CDK5RAP2: variants seen among roughly 807,000 people sequenced by gnomAD.
CDK5RAP2 encodes the protein CDK5 regulatory subunit-associated protein 2.
In CDK5RAP2, 147 loss-of-function variants were observed where a neutral mutation model predicts 232.9. The ratio of observed to expected loss-of-function variants is 0.63; its 90% CI spans 0.55 to 0.72. The LOEUF (loss-of-function observed/expected upper bound fraction) is 0.72, where lower values mean the gene tolerates loss of function less well. CDK5RAP2 is among the 30% of genes least tolerant of loss of function. The pLI is 0.00. For synonymous variants in CDK5RAP2, 833 were observed against 833.7 expected (o/e 1.00, Z 0.01); for missense variants, 2,195 against 2,231.5 (o/e 0.98, Z 0.33).
rs1212092823 is a variant in CDK5RAP2, at chr9:120,407,246, C to T, written c.4729G>A (p.Ala1577Thr). The change falls in exon 32 of 38, where the codon GCG becomes ACG. Residue 1577 changes from alanine to threonine, a missense_variant and splice_region_variant. By Grantham distance (58) the Ala-to-Thr change is moderately conservative. Transcript: ENST00000349780. ...LDEEHRRLRE[A>T]SGEGWKGQDP... is the part of the protein sequence containing the mutation. ...TGCCCCTTCCAGCCTTCTCCCGACG[C>T]CTCTGAGGACATGTGCAAAGAGAAG... 6.2e-7 allele frequency: 1 copy of T among 1,609,718 alleles called. No homozygotes were observed. Among genetic ancestry groups the T allele is most frequent in the Non-Finnish European group, 8.5e-7 (1 of 1,177,960 alleles).
intron 27 of CDK5RAP2, among the ~76,000 whole-genome samples, chr9:120,417,376 C>T (rs537866456): frequency 6.6e-6 from 1 of 152,308 alleles, no homozygotes; most frequent in South Asian, 2.1e-4. Flanking sequence ...ACTCCTTAAA[C>T]TTCTGGCACC....
rs181014034 is a variant in CDK5RAP2 at position 120,415,308 on chromosome 9, G to A, written c.4178-149C>T. 1.7e-4 allele frequency: 147 copies of A among 840,416 alleles called. 2 individuals are homozygous for A. The African/African-American group carries it at 2.0e-3, about 12-fold the overall frequency. The allele number at this position is 840,416 out of a possible 1,614,324, so 52.1% of individuals were successfully genotyped here. ...GCAATTCTTTCCTAGGCATGGGGAGGGTGAGCTATTTCCCACAGCCCACAG... is the reference window on the plus strand; with the variant it reads ...GCAATTCTTTCCTAGGCATGGGGAGAGTGAGCTATTTCCCACAGCCCACAG... On this transcript the variant is annotated intron_variant, in intron 27 of 37. Transcript: ENST00000349780.
At position 120,527,853 on chromosome 9, in the gene CDK5RAP2, T is replaced by C; in HGVS notation, c.952A>G (p.Lys318Glu). The C allele has an allele frequency of 6.2e-7, 1 of 1,613,938 alleles. No individual in the cohort carries two copies. Among genetic ancestry groups the C allele is most frequent in the Non-Finnish European group, 8.5e-7 (1 of 1,179,948 alleles). Residue 318 changes from lysine (K) to glutamate (E), a missense_variant, in exon 10 of 38, where the codon AAA becomes GAA. Physicochemically the swap from Lys to Glu is moderately conservative, Grantham distance 56. Transcript: ENST00000349780. ...GCCATGGTTAAACCCTGAATGGCTTTATCCCTCTTTAGACTATTTTTCTTC... is the reference window on the plus strand; with the variant it reads ...GCCATGGTTAAACCCTGAATGGCTTCATCCCTCTTTAGACTATTTTTCTTC... Reference protein sequence around the residue: ...TEKKNSLKRDKAIQGLTMALK... With the variant: ...TEKKNSLKRDEAIQGLTMALK...
At chr9:120,527,140 T>C (rs763050133) in intron 10 of CDK5RAP2, among the ~76,000 whole-genome samples, 3 of 152,152 alleles carry the variant, frequency 2.0e-5, no homozygotes, top group Non-Finnish European at 4.4e-5. Flanking sequence ...TAGGACACAA[T>C]AGGTTGCCAT....
At chr9:120,494,676 T>A (rs899558826) in intron 12 of CDK5RAP2, among the ~76,000 whole-genome samples, 6 of 151,726 alleles carry the variant, frequency 4.0e-5, no homozygotes, top group African/African-American at 1.5e-4. Context: ...ATACAACTAA[T>A]AAGAATAGAA....
In CDK5RAP2 at chr9:120,448,027, G is replaced by A. The variant is rs2036286276; in HGVS notation, c.2893C>T (p.Gln965Ter). 7 of 1,614,030 alleles carry A rather than the reference G, an allele frequency of 4.3e-6. No individual in the cohort carries two copies. The highest frequency in any genetic ancestry group is 1.3e-5 in the African/African-American group (1 of 74,912). ...PATQEVVTQL[Q>*]SQILELQGEL... ...CCCTGCAGCTCCAAGATCTGGCTCT[G>A]CAGCTGCGTCACCACCTCCTGGGTG... Residue 965 changes from glutamine to a stop codon, truncating the protein, a stop_gained, in exon 22 of 38, where the codon CAG becomes TAG. Transcript: ENST00000349780. LOFTEE classifies it high-confidence loss of function.
At chr9:120,514,571 G>A (rs1406601912) in intron 12 of CDK5RAP2, among the ~76,000 whole-genome samples, 1 of 152,200 alleles carries the variant, frequency 6.6e-6, no homozygotes, top group East Asian at 1.9e-4. Flanking sequence ...ACTTGGAACT[G>A]TAGTATGGAT....
In CDK5RAP2 at chr9:120,550,239, C is replaced by T. The variant is rs1476826214; in HGVS notation, c.306+553G>A. On this transcript the variant is annotated intron_variant, in intron 4 of 37. Coordinates refer to ENST00000349780, the MANE Select transcript of CDK5RAP2 (RefSeq NM_018249.6). ...GTTACAGGCAAGCACACAGGAATAC[C>T]GAAGAGTCCTATCACAGAAAAACTG... Among the ~76,000 whole-genome samples the T allele has an allele frequency of 2.0e-5, 3 of 152,262 alleles. 1 individual carries two copies. In the South Asian group the frequency reaches 6.2e-4, roughly 32 times the overall value.
intron 27 of CDK5RAP2, among the ~76,000 whole-genome samples, chr9:120,417,196 T>G (rs2034277676): frequency 6.6e-6 from 1 of 151,390 alleles, no homozygotes; most frequent in African/African-American, 2.4e-5. Flanking sequence ...CCCACGGCAC[T>G]GCACCTCCGT....
chr9:120,411,410 G>T lies in CDK5RAP2; in HGVS notation c.4362C>A (p.Phe1454Leu), dbSNP rs763385357. ...TGAGGGCCTGGTTCTGCTTCCTCAA[G>T]AAATGAATTTCTGATGTTAGAGAAC... ...LHSSLTSEIH[F>L]LRKQNQALNA... The change falls in exon 29 of 38, where the codon TTC becomes TTA. Residue 1454 changes from phenylalanine to leucine, a missense_variant. Coordinates refer to ENST00000349780, the MANE Select transcript of CDK5RAP2 (RefSeq NM_018249.6). The T allele has an allele frequency of 2.5e-6, 4 of 1,613,474 alleles. No homozygotes were observed. The highest frequency in any genetic ancestry group is 2.5e-6 in the Non-Finnish European group (3 of 1,179,456).
Position 120,487,334 on chromosome 9 carries a change from GA to G in CDK5RAP2, c.1585del (p.Ser529LeufsTer25). 1 of 1,614,068 alleles carries G rather than the reference GA, an allele frequency of 6.2e-7. No individual in the cohort carries two copies. The highest frequency in any genetic ancestry group is 8.5e-7 in the Non-Finnish European group (1 of 1,179,998). ...RSEGLITEKC[S>X]SQQPPGSKTI... The stretch of plus-strand genomic sequence containing the variant: ...TTTGCTGCCTGGTGGCTGTTGAGAA[GA>G]GCACTTTTCTGTTATTAAGCCTTCA... On this transcript the variant is annotated frameshift_variant, in exon 14 of 38. Coordinates refer to ENST00000349780, the MANE Select transcript of CDK5RAP2 (RefSeq NM_018249.6). LOFTEE classifies it high-confidence loss of function.
intron 22 of CDK5RAP2, 105 bp from the exon 23 acceptor site, chr9:120,443,847 C>T: frequency 6.7e-7 from 1 of 1,482,958 alleles, no homozygotes; most frequent in Admixed American, 1.8e-5. Flanking sequence ...AAAATAAAAA[C>T]ACTGGGGAGG....
intron 28 of CDK5RAP2, among the ~76,000 whole-genome samples, chr9:120,413,279 G>A (rs890642310): frequency 3.3e-5 from 5 of 152,222 alleles, no homozygotes; most frequent in African/African-American, 1.2e-4. Flanking sequence ...TCTTTCCTCT[G>A]AGGGTCATCA....
chr9:120,472,878 A>G (rs1203372072), intron 15 of CDK5RAP2, among the ~76,000 whole-genome samples: 2 of 152,250 alleles, frequency 1.3e-5, no homozygotes, highest in Non-Finnish European at 2.9e-5. Flanking sequence ...TGAGCACTTG[A>G]AATGTAGCTA....
rs143998236 is a variant in CDK5RAP2, at chr9:120,394,955, C to T, written c.5452-317G>A. On this transcript the variant is annotated intron_variant, in intron 35 of 37. Transcript: ENST00000349780. ...CAATTCTACACGCTGGCATTTCCCCCAAGGAATAATAACATAAGCACAAGA... is the reference window on the plus strand; with the variant it reads ...CAATTCTACACGCTGGCATTTCCCCTAAGGAATAATAACATAAGCACAAGA... 9.4e-3 allele frequency among the ~76,000 whole-genome samples: 1,424 copies of T among 152,248 alleles called. 26 individuals carry two copies. The highest frequency in any genetic ancestry group is 0.033 in the African/African-American group (1,361 of 41,532).
intron 12 of CDK5RAP2, among the ~76,000 whole-genome samples, chr9:120,518,158 A>G: frequency 7.3e-6 from 1 of 136,558 alleles, no homozygotes; most frequent in Admixed American, 7.4e-5. Flanking sequence ...TCAACTCGAT[A>G]ACAACTCTGT....
chr9:120,469,962 G>C lies in CDK5RAP2; in HGVS notation c.1968+149C>G, dbSNP rs1443932256. On this transcript the variant is annotated intron_variant, in intron 17 of 37. Transcript: ENST00000349780. ...ACGAGGGAAGGTACTCCAGTTAACG[G>C]ACACAGGAGGGGCACACACAACAAG... The C allele has an allele frequency of 6.9e-6, 4 of 583,062 alleles. No homozygotes were observed. The African/African-American group carries it at 7.5e-5, about 11-fold the overall frequency. The allele number at this position is 583,062 out of a possible 1,614,324, so 36.1% of individuals were successfully genotyped here.
chr9:120,573,666 A>C (rs1004381185), intron 1 of CDK5RAP2, among the ~76,000 whole-genome samples: 1 of 152,216 alleles, frequency 6.6e-6, no homozygotes, highest in Non-Finnish European at 1.5e-5. Flanking sequence ...TACTGAAGTC[A>C]CCTCAAGTCC....
At chr9:120,547,110 C>T (rs1217017791) in intron 4 of CDK5RAP2, among the ~76,000 whole-genome samples, 2 of 151,942 alleles carry the variant, frequency 1.3e-5, no homozygotes, top group East Asian at 3.9e-4. Context: ...CCTCAGCCTC[C>T]GAGTAGCTGG....
Sources: gnomAD v4.1 joint callset for allele counts (sites outside exome capture counted in the v4.1 genomes callset) on GRCh38, gnomAD v4.1.1 for gene constraint, MANE v1.5 for transcripts, NCBI Gene and HGNC (gene_info 2026-07-23, HGNC 2026-07-21) for gene names.